Variants in NUDT4 observed in about 807,000 individuals in gnomAD.
The protein encoded by NUDT4 is nudix hydrolase 4, also known as diphosphoinositol polyphosphate phosphohydrolase 2.
Under a neutral mutation model 23.1 loss-of-function variants are expected in NUDT4, and 5 were observed. The observed-to-expected ratio is 0.22, with a 90% CI of 0.11 to 0.46. The LOEUF is 0.46. Among genes scored for constraint, NUDT4 ranks in the 20% least tolerant of loss-of-function variants. The pLI is 0.99. For synonymous variants in NUDT4, 50 were observed against 79.0 expected (o/e 0.63, Z 1.95); for missense variants, 96 against 211.6 (o/e 0.45, Z 3.39).
chr12:93,378,495 C>G, intron 1 of NUDT4, 74 bp downstream of exon 1: 1 of 1,380,692 alleles, frequency 7.2e-7, no homozygotes, highest in African/African-American at 1.5e-5. Flanking sequence ...CCTCGCTCCC[C>G]GCCCCTGCGC....
intron 1 of NUDT4, chr12:93,378,692 G>T (rs1456150868): frequency 1.7e-6 from 2 of 1,158,510 alleles, no homozygotes; most frequent in Non-Finnish European, 1.1e-6. Context: ...GTCCCGGGCC[G>T]CGTAAGTCTC....
At chr12:93,384,292 C>G (rs562243448) in intron 1 of NUDT4, among the ~76,000 whole-genome samples, 92 of 152,162 alleles carry the variant, frequency 6.0e-4, no homozygotes, top group African/African-American at 2.1e-3. Context: ...CTCAGCCTCC[C>G]GAGTAGCTGA....
At chr12:93,382,218 CA>C (rs1334456323) in intron 1 of NUDT4, among the ~76,000 whole-genome samples, 1 of 146,504 alleles carries the variant, frequency 6.8e-6, no homozygotes, top group Non-Finnish European at 1.5e-5. Flanking sequence ...GAGCCGAGAT[CA>C]TGCCATTGCA....
In NUDT4 at chr12:93,407,522, A is replaced by G. The variant is rs1877884607; in HGVS notation, c.*8143A>G. ...CTCGGAGGGGACTCTAGCCAACTGGAGAGTAACTGGTGAGAAGACAATGAC... is the reference window on the plus strand; with the variant it reads ...CTCGGAGGGGACTCTAGCCAACTGGGGAGTAACTGGTGAGAAGACAATGAC... On this transcript the variant is annotated 3_prime_UTR_variant, in exon 5 of 5. Coordinates refer to ENST00000415493, the MANE Select transcript of NUDT4 (RefSeq NM_019094.6). 6.6e-6 allele frequency: 1 copy of G among 152,246 alleles called. No homozygotes were observed. The highest frequency in any genetic ancestry group is 1.5e-5 in the Non-Finnish European group (1 of 68,058). 9.4% of individuals were successfully genotyped at this position (152,246 alleles called of 1,614,324 possible).
chr12:93,384,768 C>CTT (rs559277920), intron 1 of NUDT4, among the ~76,000 whole-genome samples: 4 of 148,104 alleles, frequency 2.7e-5, no homozygotes, highest in Non-Finnish European at 6.0e-5. Flanking sequence ...ATACACTATT[C>CTT]TTTTTTTTTT....
chr12:93,392,562 T>G (rs1324679672), intron 1 of NUDT4, among the ~76,000 whole-genome samples: 1 of 149,616 alleles, frequency 6.7e-6, no homozygotes, highest in African/African-American at 2.5e-5. Flanking sequence ...CGGCCAGATA[T>G]TCATTTAAAA....
At chr12:93,394,028 ATG>A (rs1876747299) in intron 1 of NUDT4, among the ~76,000 whole-genome samples, 2 of 152,034 alleles carry the variant, frequency 1.3e-5, no homozygotes, top group African/African-American at 4.8e-5. Context: ...TTTTTTTGAG[ATG>A]GAGTCTCTGT....
intron 1 of NUDT4, among the ~76,000 whole-genome samples, chr12:93,394,186 G>A (rs565832251): frequency 1.3e-5 from 2 of 152,206 alleles, no homozygotes; most frequent in African/African-American, 4.8e-5. Context: ...TAGTAGAGAC[G>A]GGGTTTGGGG....
intron 1 of NUDT4, among the ~76,000 whole-genome samples, chr12:93,388,348 A>G (rs1014274440): frequency 1.3e-5 from 2 of 152,250 alleles, no homozygotes; most frequent in African/African-American, 4.8e-5. Context: ...TGAGCATTCT[A>G]TGTGACTGTA....
In NUDT4 at chr12:93,407,557, G is replaced by A. The variant is rs1877886095; in HGVS notation, c.*8178G>A. On this transcript the variant is annotated 3_prime_UTR_variant, in exon 5 of 5. Coordinates refer to ENST00000415493, the MANE Select transcript of NUDT4 (RefSeq NM_019094.6). The stretch of plus-strand genomic sequence containing the variant: ...GTGAGAAGACAATGACATGCTCTTA[G>A]GGTGTCTGCTACTCAGATCCTCTCA... 1 of 152,230 alleles carries A rather than the reference G, an allele frequency of 6.6e-6. No homozygotes were observed. The highest frequency in any genetic ancestry group is 2.1e-4 in the South Asian group (1 of 4,830). 9.4% of individuals were successfully genotyped at this position (152,230 alleles called of 1,614,324 possible).
chr12:93,393,108 T>TTA, intron 1 of NUDT4, among the ~76,000 whole-genome samples: 1 of 133,654 alleles, frequency 7.5e-6, no homozygotes, highest in African/African-American at 3.0e-5. Context: ...TTTTTTTTTT[T>TTA]CCCCGAGATG....
In NUDT4 at chr12:93,405,195, C is replaced by G. The variant is rs1051193657; in HGVS notation, c.*5816C>G. The G allele has an allele frequency of 2.6e-5, 4 of 152,076 alleles. No homozygotes were observed. The highest frequency in any genetic ancestry group is 5.9e-5 in the Non-Finnish European group (4 of 68,028). The allele number at this position is 152,076 out of a possible 1,614,324, so 9.4% of individuals were successfully genotyped here. On this transcript the variant is annotated 3_prime_UTR_variant, in exon 5 of 5. Coordinates refer to ENST00000415493, the MANE Select transcript of NUDT4 (RefSeq NM_019094.6). ...CTGCTTTTGCCAGATCTGATATCTA[C>G]TCCCGACCTTAAGCCAGGAGACTTT... is the stretch of plus-strand genomic sequence containing the variant.
At position 93,383,012 on chromosome 12, in the gene NUDT4, C is replaced by G. The variant is rs1019051238; in HGVS notation, c.99+4591C>G. On this transcript the variant is annotated intron_variant, in intron 1 of 4. Coordinates refer to ENST00000415493, the MANE Select transcript of NUDT4 (RefSeq NM_019094.6). ...GTGTCACCAACTTCTTCATCTGTGC[C>G]TCCAGCTCTCCCAGAAGGTTTCCCG... Among the ~76,000 whole-genome samples, 23 of 152,098 alleles carry G rather than the reference C, an allele frequency of 1.5e-4. No individual in the cohort carries two copies. The East Asian group carries it at 4.4e-3, about 29-fold the overall frequency.
chr12:93,385,649 G>A (rs1279988072), intron 1 of NUDT4, among the ~76,000 whole-genome samples: 1 of 152,086 alleles, frequency 6.6e-6, no homozygotes, highest in Non-Finnish European at 1.5e-5. Flanking sequence ...TGATAGAAAT[G>A]TGTAGATGGC....
At chr12:93,385,941 T>TTATATA (rs371683658) in intron 1 of NUDT4, among the ~76,000 whole-genome samples, 121 of 104,588 alleles carry the variant, frequency 1.2e-3, no homozygotes, top group Non-Finnish European at 1.5e-3. Context: ...GTAAATCTTT[T>TTATATA]TATATATATA....
chr12:93,391,705 C>G (rs1381945984), intron 1 of NUDT4, among the ~76,000 whole-genome samples: 1 of 152,026 alleles, frequency 6.6e-6, no homozygotes, highest in Non-Finnish European at 1.5e-5. Flanking sequence ...TCACTGCACT[C>G]CAACGTGGAT....
intron 1 of NUDT4, among the ~76,000 whole-genome samples, chr12:93,380,658 T>C (rs1565774307): frequency 6.6e-6 from 1 of 152,218 alleles, no homozygotes; most frequent in Non-Finnish European, 1.5e-5. Flanking sequence ...CTTCAGAATT[T>C]TCATTTCTGT....
At chr12:93,379,692 C>T (rs1875515752) in intron 1 of NUDT4, among the ~76,000 whole-genome samples, 1 of 152,148 alleles carries the variant, frequency 6.6e-6, no homozygotes, top group Non-Finnish European at 1.5e-5. Context: ...AATACGGCCC[C>T]AGCCTTTGAG....
At position 93,399,214 on chromosome 12, in the gene NUDT4, C is replaced by T. The variant is rs777731758; in HGVS notation, c.378C>T (p.Ile126=). ...AGTGGTTCAAAGTAGAAGATGCTAT[C>T]AAAGTTCTCCAGTGTCATAAACCTG... is the stretch of plus-strand genomic sequence containing the variant. ...KREWFKVEDA[I]KVLQCHKPVH... is the part of the protein sequence containing the mutation. The change falls in exon 5 of 5, where the codon ATC becomes ATT. Residue 126 remains isoleucine (I), a synonymous_variant. Coordinates refer to ENST00000415493, the MANE Select transcript of NUDT4 (RefSeq NM_019094.6). 3.1e-6 allele frequency: 5 copies of T among 1,598,330 alleles called. 1 individual carries two copies. In the Admixed American group the frequency reaches 8.4e-5, roughly 27 times the overall value.
Sources: allele counts gnomAD v4.1 joint callset (sites outside exome capture counted in the v4.1 genomes callset), GRCh38; gene constraint gnomAD v4.1.1; transcripts MANE v1.5; gene names NCBI Gene and HGNC (gene_info 2026-07-23, HGNC 2026-07-21).